The following PTPRA variants were observed in gnomAD, a reference collection of about 807,000 sequenced individuals.
PTPRA encodes the protein protein tyrosine phosphatase receptor type A, also known as receptor-type tyrosine-protein phosphatase alpha.
A neutral mutation model predicts 104.8 loss-of-function variants in PTPRA; 25 were observed. The ratio of observed to expected loss-of-function variants is 0.24; its 90% CI spans 0.17 to 0.33. The LOEUF is 0.33. PTPRA is among the 10% of genes least tolerant of loss of function. The pLI is 1.00. For synonymous variants in PTPRA, 323 were observed against 368.9 expected (o/e 0.88, Z 1.43); for missense variants, 765 against 1,015.3 (o/e 0.75, Z 3.35).
chr20:3,027,944 T>G (rs1039266846), intron 20 of PTPRA, 103 bp downstream of exon 20: 1 of 1,493,488 alleles, frequency 6.7e-7, no homozygotes, highest in African/African-American at 1.4e-5. Flanking sequence ...GGACCTTGTC[T>G]TTGACTTATA....
At chr20:2,948,672 C>G (rs1038524155) in intron 3 of PTPRA, among the ~76,000 whole-genome samples, 10 of 152,302 alleles carry the variant, frequency 6.6e-5, no homozygotes, top group Middle Eastern at 3.4e-3. Flanking sequence ...TAAAAAACCA[C>G]CAGGCACGGT....
At chr20:2,953,944 T>C (rs1247873751) in intron 3 of PTPRA, among the ~76,000 whole-genome samples, 1 of 151,186 alleles carries the variant, frequency 6.6e-6, no homozygotes, top group Non-Finnish European at 1.5e-5. Context: ...AGAGACAAGC[T>C]GTCTCCCAAG....
chr20:2,908,296 G>A (rs1225751025), intron 1 of PTPRA, among the ~76,000 whole-genome samples: 5 of 152,110 alleles, frequency 3.3e-5, no homozygotes, highest in South Asian at 4.1e-4. Context: ...CTTGAACAAC[G>A]CAGTTTCAAA....
intron 5 of PTPRA, among the ~76,000 whole-genome samples, chr20:2,967,324 T>C (rs6138969): frequency 0.015 from 2,337 of 152,218 alleles, 120 homozygotes; most frequent in Admixed American, 0.09. Flanking sequence ...TCAAGATGAG[T>C]AAAACACAAG....
intron 3 of PTPRA, among the ~76,000 whole-genome samples, chr20:2,962,195 G>A (rs868826855): frequency 1.3e-5 from 2 of 152,136 alleles, no homozygotes; most frequent in Non-Finnish European, 2.9e-5. Context: ...CTGACATCTT[G>A]ACAATATTGA....
At chr20:2,956,921 C>T (rs752360733) in intron 3 of PTPRA, among the ~76,000 whole-genome samples, 4 of 152,140 alleles carry the variant, frequency 2.6e-5, no homozygotes, top group Middle Eastern at 3.2e-3. Context: ...TATGAGAGTA[C>T]CTGTTTACTC....
At chr20:2,881,877 G>A (rs1263886136) in intron 1 of PTPRA, among the ~76,000 whole-genome samples, 1 of 152,178 alleles carries the variant, frequency 6.6e-6, no homozygotes, top group Non-Finnish European at 1.5e-5. Flanking sequence ...GGGCACACCT[G>A]TAGTCCCAGC....
rs530683695 is a variant in PTPRA, at chr20:2,953,780, G to A, written c.-7+5756G>A. On this transcript the variant is annotated intron_variant, in intron 3 of 23. Transcript: ENST00000399903. The stretch of plus-strand genomic sequence containing the variant: ...CCGCCACCACACCCAGCTAGTTTTT[G>A]TATTTTTAGTAGAGATGGGGTTTCA... 1.1e-4 allele frequency among the ~76,000 whole-genome samples: 16 copies of A among 151,068 alleles called. No homozygotes were observed. The South Asian group carries it at 2.1e-3, about 20-fold the overall frequency.
rs186774792 is a variant in PTPRA, at chr20:2,885,771, A to T, written c.-129+12011A>T. ...AAAAGTACACGAACTGCTACAGATT[A>T]AAAAAGACTTGAGGCTGGGCGTGGT... is the stretch of plus-strand genomic sequence containing the variant. On this transcript the variant is annotated intron_variant, in intron 1 of 23. Transcript: ENST00000399903. Among the ~76,000 whole-genome samples the T allele has an allele frequency of 2.0e-5, 3 of 152,340 alleles. No individual in the cohort carries two copies. In the East Asian group the frequency reaches 5.8e-4, roughly 29 times the overall value.
At position 3,035,442 on chromosome 20, in the gene PTPRA, C is replaced by A; in HGVS notation, c.1921-143C>A. ...AATTGGAATGATGTGATATAATGAT[C>A]CTGCAAGTTTTCAATACCTTGGGGA... is the stretch of plus-strand genomic sequence containing the variant. On this transcript the variant is annotated intron_variant, in intron 20 of 23. Coordinates refer to ENST00000399903, the MANE Select transcript of PTPRA (RefSeq NM_001385305.1). The surrounding 1 kb of genome is among the most constrained non-coding windows in gnomAD (Gnocchi z 5.8). The A allele has an allele frequency of 2.2e-6, 2 of 924,480 alleles. No individual in the cohort carries two copies. Among genetic ancestry groups the A allele is most frequent in the Non-Finnish European group, 3.2e-6 (2 of 622,208 alleles). 57.3% of individuals were successfully genotyped at this position (924,480 alleles called of 1,614,324 possible). A position where few individuals can be genotyped will look rare whatever the true frequency, so the allele number is the denominator to read the frequency against.
Position 3,035,585 on chromosome 20 carries a change from G to A in PTPRA, c.1921G>A (p.Glu641Lys), listed in dbSNP as rs767956941. The change falls in exon 21 of 24, where the codon GAG becomes AAG. Residue 641 changes from glutamate (E) to lysine (K), a missense_variant and splice_region_variant. Around this residue, in one of 4 missense-constraint regions of PTPRA, gnomAD observed 192 missense variants for 227.0 expected, o/e 0.85. Transcript: ENST00000399903. This position sits in a 1 kb window ranked among gnomAD's most constrained non-coding sequence, Gnocchi z 5.8. ...MLTELEERGQ[E>K]KCAQYWPSDG... is the part of the protein sequence containing the mutation. ...TCACCTCTCCAACCTGTCTCTCCAG[G>A]AGAAGTGTGCCCAGTACTGGCCATC... 4 of 1,610,816 alleles carry A rather than the reference G, an allele frequency of 2.5e-6. No homozygotes were observed. The highest frequency in any genetic ancestry group is 3.4e-6 in the Non-Finnish European group (4 of 1,177,114).
chr20:2,914,279 T>A (rs2059818515), intron 1 of PTPRA, among the ~76,000 whole-genome samples: 1 of 152,210 alleles, frequency 6.6e-6, no homozygotes. Flanking sequence ...GTTCCCTTTA[T>A]TGAAGAATGT....
chr20:2,944,116 C>G (rs2061036805), intron 2 of PTPRA, among the ~76,000 whole-genome samples: 1 of 150,754 alleles, frequency 6.6e-6, no homozygotes, highest in East Asian at 2.0e-4. Context: ...TCTCGGCTCA[C>G]TGTAACCTCC....
At chr20:2,901,035 G>A (rs970137838) in intron 1 of PTPRA, among the ~76,000 whole-genome samples, 6 of 151,706 alleles carry the variant, frequency 4.0e-5, no homozygotes, top group African/African-American at 7.3e-5. Flanking sequence ...GCAGTGGCGC[G>A]ATCTCGGCTC....
chr20:2,893,131 C>G (rs1450070310), intron 1 of PTPRA, among the ~76,000 whole-genome samples: 1 of 152,158 alleles, frequency 6.6e-6, no homozygotes, highest in Non-Finnish European at 1.5e-5. Context: ...CTCAATTAAA[C>G]TGGGTGCTCT....
chr20:3,016,277 C>G (rs1026879664), intron 12 of PTPRA, among the ~76,000 whole-genome samples: 1 of 152,184 alleles, frequency 6.6e-6, no homozygotes, highest in Non-Finnish European at 1.5e-5. Flanking sequence ...TGGTTCTCCC[C>G]CAGCTCATGG....
chr20:2,986,018 C>T (rs916582355), intron 6 of PTPRA, among the ~76,000 whole-genome samples: 2 of 152,130 alleles, frequency 1.3e-5, no homozygotes, highest in African/African-American at 4.8e-5. Context: ...CAGTGATCCT[C>T]CTACCTCAGC....
At chr20:2,992,534 CAAAA>C (rs1568685426) in intron 9 of PTPRA, among the ~76,000 whole-genome samples, 2 of 151,884 alleles carry the variant, frequency 1.3e-5, no homozygotes, top group African/African-American at 2.4e-5. Flanking sequence ...ACAAAACAAA[CAAAA>C]AAACCCCTAG....
intron 9 of PTPRA, among the ~76,000 whole-genome samples, chr20:2,998,255 C>T (rs2063484585): frequency 1.3e-5 from 2 of 151,482 alleles, no homozygotes; most frequent in Non-Finnish European, 2.9e-5. Context: ...AGAGGTGAAG[C>T]CAGTGAAATA....
Sources: gnomAD v4.1 joint callset for allele counts (sites outside exome capture counted in the v4.1 genomes callset) on GRCh38, gnomAD v4.1.1 for gene constraint, gnomAD v4.1.1 regional missense constraint, Gnocchi (gnomAD v3.1) non-coding constraint, MANE v1.5 for transcripts, NCBI Gene and HGNC (gene_info 2026-07-23, HGNC 2026-07-21) for gene names.